The following UBN2 variants were observed in gnomAD, a reference collection of about 807,000 sequenced individuals.
UBN2 encodes the protein ubinuclein-2.
In UBN2, 35 loss-of-function variants were observed where a neutral mutation model predicts 120.2. That is an observed-to-expected ratio of 0.29 (90% CI 0.22 to 0.39). UBN2 has a LOEUF of 0.39. Ranked by LOEUF, UBN2 falls within the 10% of genes least tolerant of loss-of-function variation. UBN2 has a pLI of 1.00. For synonymous variants in UBN2, 661 were observed against 648.7 expected (o/e 1.02, Z -0.29); for missense variants, 1,693 against 1,663.2 (o/e 1.02, Z -0.31).
chr7:139,273,552 A>G, intron 10 of UBN2, 142 bp downstream of exon 10: 1 of 562,900 alleles, frequency 1.8e-6, no homozygotes, highest in East Asian at 2.9e-5. Context: ...AGAGAAGATT[A>G]ATTGGGCTCT....
At chr7:139,276,322 T>C in intron 12 of UBN2, 175 bp downstream of exon 12, 1 of 639,824 alleles carries the variant, frequency 1.6e-6, no homozygotes, top group South Asian at 1.8e-5. Flanking sequence ...GGGTACTCTC[T>C]AAACACCTAC....
At chr7:139,262,062 C>T (rs1352095542) in intron 6 of UBN2, among the ~76,000 whole-genome samples, 3 of 149,584 alleles carry the variant, frequency 2.0e-5, no homozygotes, top group African/African-American at 7.4e-5. Flanking sequence ...GGATTACAGG[C>T]GTGAGCCACC....
intron 1 of UBN2, among the ~76,000 whole-genome samples, chr7:139,235,293 T>C (rs931739946): frequency 3.9e-5 from 6 of 152,238 alleles, no homozygotes; most frequent in African/African-American, 1.4e-4. Context: ...TGGTTAAGGC[T>C]ACACCCTGGA....
At chr7:139,246,895 T>C (rs76364898) in intron 2 of UBN2, among the ~76,000 whole-genome samples, 8,901 of 152,266 alleles carry the variant, frequency 0.058, 521 homozygotes, top group African/African-American at 0.15. Context: ...TCCCTTCTTA[T>C]TGCCGAGCAG....
intron 1 of UBN2, among the ~76,000 whole-genome samples, chr7:139,236,126 TA>T (rs1251640405): frequency 6.6e-6 from 1 of 152,234 alleles, no homozygotes; most frequent in Non-Finnish European, 1.5e-5. Context: ...GTTTGTATAC[TA>T]AAATAGAAGA....
the UBN2 span, among the ~76,000 whole-genome samples, chr7:139,323,466 A>G: frequency 6.6e-6 from 1 of 151,844 alleles, no homozygotes; most frequent in Non-Finnish European, 1.5e-5. Flanking sequence ...TTCGTTCCCA[A>G]ATTTTTGTAT....
rs1375355293 is a variant in UBN2, at chr7:139,299,537, A to G, written c.*1701A>G. The G allele has an allele frequency of 6.6e-6, 1 of 152,190 alleles. No homozygotes were observed. Among genetic ancestry groups the G allele is most frequent in the Non-Finnish European group, 1.5e-5 (1 of 68,022 alleles). The allele number at this position is 152,190 out of a possible 1,614,324, so 9.4% of individuals were successfully genotyped here. A position where few individuals can be genotyped will look rare whatever the true frequency, so the allele number is the denominator to read the frequency against. On this transcript the variant is annotated 3_prime_UTR_variant, in exon 18 of 18. Transcript: ENST00000473989. Reference sequence around the variant, plus strand: ...CTTGCTTCATAGCGAAAAAGTTAATAAATAACTGAAAACTTTAGTTCCAAG... The same window carrying G: ...CTTGCTTCATAGCGAAAAAGTTAATGAATAACTGAAAACTTTAGTTCCAAG...
At chr7:139,241,274 A>T (rs1408191765) in intron 2 of UBN2, among the ~76,000 whole-genome samples, 1 of 152,226 alleles carries the variant, frequency 6.6e-6, no homozygotes, top group Non-Finnish European at 1.5e-5. Context: ...ATACTGTCCT[A>T]GAATTGGATA....
intron 15 of UBN2, among the ~76,000 whole-genome samples, chr7:139,290,227 C>T (rs983040380): frequency 1.1e-4 from 17 of 152,122 alleles, no homozygotes; most frequent in African/African-American, 3.1e-4. Context: ...AGCCACCGTG[C>T]CTTGCCAACT....
chr7:139,287,877 A>G (rs1797837406), intron 15 of UBN2, among the ~76,000 whole-genome samples: 1 of 152,170 alleles, frequency 6.6e-6, no homozygotes, highest in African/African-American at 2.4e-5. Context: ...CCTGTAAAGC[A>G]TTCACCTTCT....
Position 139,285,327 on chromosome 7 carries a change from C to T in UBN2, c.3669+753C>T, listed in dbSNP as rs560241580. Among the ~76,000 whole-genome samples, 15 of 151,932 alleles carry T rather than the reference C, an allele frequency of 9.9e-5. No homozygotes were observed. The South Asian group carries it at 2.7e-3, about 27-fold the overall frequency. The stretch of plus-strand genomic sequence containing the variant: ...TTGCACTCCAGCCTGGGTGACAGAG[C>T]GAAACTTCATCTCAAAAAAAAAGGG... On this transcript the variant is annotated intron_variant, in intron 15 of 17. Coordinates refer to ENST00000473989, the MANE Select transcript of UBN2 (RefSeq NM_173569.4).
At chr7:139,240,141 A>T (rs897381820) in intron 2 of UBN2, among the ~76,000 whole-genome samples, 1 of 152,058 alleles carries the variant, frequency 6.6e-6, no homozygotes, top group Non-Finnish European at 1.5e-5. Flanking sequence ...CTCTTGTTAT[A>T]GTCTAAATTA....
At chr7:139,247,965 C>A (rs1047367424) in intron 2 of UBN2, among the ~76,000 whole-genome samples, 2 of 152,130 alleles carry the variant, frequency 1.3e-5, no homozygotes, top group African/African-American at 2.4e-5. Flanking sequence ...TTTGTTTAAT[C>A]TTTCTCTTCC....
chr7:139,295,623 A>G (rs1446300574), intron 17 of UBN2, among the ~76,000 whole-genome samples: 1 of 152,256 alleles, frequency 6.6e-6, no homozygotes. Flanking sequence ...AAAGTTAAAA[A>G]GTTTAAAATT....
At chr7:139,289,466 GCAGTGGTGCAATCTTGGC>G (rs1324519864) in intron 15 of UBN2, among the ~76,000 whole-genome samples, 1 of 144,370 alleles carries the variant, frequency 6.9e-6, no homozygotes, top group Non-Finnish European at 1.5e-5. Context: ...AGGCTGGAGT[GCAGTGGTGCAATCTTGGC>G]TCACTGCAGC....
chr7:139,269,033 C>A (rs1009678594), intron 7 of UBN2, among the ~76,000 whole-genome samples: 8 of 151,984 alleles, frequency 5.3e-5, no homozygotes, highest in Admixed American at 3.9e-4. Flanking sequence ...ATGGTGAAAC[C>A]CCATCTCTAC....
At position 139,302,981 on chromosome 7, in the gene UBN2, T is replaced by C. The variant is rs1021095205; in HGVS notation, c.*5145T>C. The C allele has an allele frequency of 2.8e-4, 43 of 152,178 alleles. No homozygotes were observed. The highest frequency in any genetic ancestry group is 2.0e-4 in the Admixed American group (3 of 15,278). 9.4% of individuals were successfully genotyped at this position (152,178 alleles called of 1,614,324 possible). On this transcript the variant is annotated 3_prime_UTR_variant, in exon 18 of 18. Transcript: ENST00000473989. ...GACTAAACATGTGACAAGGCTAGCG[T>C]TAGAACCGCAGTTTGGTGTCTAAGT...
At chr7:139,294,088 C>A in intron 17 of UBN2, 107 bp downstream of exon 17, 1 of 1,126,942 alleles carries the variant, frequency 8.9e-7, no homozygotes, top group Non-Finnish European at 1.3e-6. Flanking sequence ...TTGGAAAATG[C>A]AAATTTTCAT....
At chr7:139,269,255 T>C in intron 7 of UBN2, 139 bp from the exon 8 acceptor site, 5 of 824,132 alleles carry the variant, frequency 6.1e-6, no homozygotes, top group Non-Finnish European at 8.8e-6. Context: ...GGTTTTTTTT[T>C]ATTTTTTCCA....
Sources: gnomAD v4.1 joint callset for allele counts (sites outside exome capture counted in the v4.1 genomes callset) on GRCh38, gnomAD v4.1.1 for gene constraint, MANE v1.5 for transcripts, NCBI Gene and HGNC (gene_info 2026-07-23, HGNC 2026-07-21) for gene names.